The following ANKH variants were observed in gnomAD, a reference collection of about 807,000 sequenced individuals.
ANKH encodes the protein ANKH inorganic pyrophosphate transport regulator, also known as mineralization regulator ANKH.
A neutral mutation model predicts 49.0 loss-of-function variants in ANKH; 15 were observed. That is an observed-to-expected ratio of 0.31 (90% CI 0.20 to 0.47). The LOEUF (loss-of-function observed/expected upper bound fraction) is 0.47, where lower values mean the gene tolerates loss of function less well. ANKH is among the 20% of genes least tolerant of loss of function. The probability of loss-of-function intolerance (pLI) is 1.00; values close to 1 mark genes in which losing one functional copy is unlikely to be tolerated. For missense variants in ANKH, 429 were observed against 652.0 expected (o/e 0.66, Z 3.72); for synonymous variants, 273 against 260.0 (o/e 1.05, Z -0.48).
At chr5:14,871,231 C>A (rs999827014) in intron 1 of ANKH, 121 bp downstream of exon 1, 3 of 868,214 alleles carry the variant, frequency 3.5e-6, no homozygotes, top group Non-Finnish European at 5.6e-6. Flanking sequence ...AAGCTGCACA[C>A]CCGACCAAAT....
chr5:14,855,806 C>G (rs556614029), intron 1 of ANKH, among the ~76,000 whole-genome samples: 124 of 150,504 alleles, frequency 8.2e-4, no homozygotes, highest in Non-Finnish European at 1.6e-3. Flanking sequence ...GAAAATCCAG[C>G]CTTAAAGGCC....
At position 14,770,328 on chromosome 5, in the gene ANKH, C is replaced by T. The variant is rs915119741; in HGVS notation, c.97-1137G>A. Among the ~76,000 whole-genome samples, 1 of 152,096 alleles carries T rather than the reference C, an allele frequency of 6.6e-6. No homozygotes were observed. Among genetic ancestry groups the T allele is most frequent in the Non-Finnish European group, 1.5e-5 (1 of 68,026 alleles). ...CGGACACATCATTATTACTCAAAGA[C>T]CAGACAGTAGTCCCCCCTTATCCTT... On this transcript the variant is annotated intron_variant, in intron 1 of 11. Transcript: ENST00000284268. This position sits in a 1 kb window ranked among gnomAD's most constrained non-coding sequence, Gnocchi z 4.1.
At position 14,709,471 on chromosome 5, in the gene ANKH, C is replaced by T. The variant is rs927374192; in HGVS notation, c.*1726G>A. 2 of 152,194 alleles carry T rather than the reference C, an allele frequency of 1.3e-5. No individual in the cohort carries two copies. Among genetic ancestry groups the T allele is most frequent in the African/African-American group, 4.8e-5 (2 of 41,444 alleles). The allele number at this position is 152,194 out of a possible 1,614,324, so 9.4% of individuals were successfully genotyped here. A position where few individuals can be genotyped will look rare whatever the true frequency, so the allele number is the denominator to read the frequency against. ...GGGCACACCCCATCAGCACTGGGTA[C>T]CCAGGAATGTGAATGCAACCCTGGC... On this transcript the variant is annotated 3_prime_UTR_variant, in exon 12 of 12. Coordinates refer to ENST00000284268, the MANE Select transcript of ANKH (RefSeq NM_054027.6).
At chr5:14,857,460 A>G (rs1232051240) in intron 1 of ANKH, among the ~76,000 whole-genome samples, 2 of 151,980 alleles carry the variant, frequency 1.3e-5, no homozygotes, top group Non-Finnish European at 2.9e-5. Flanking sequence ...TTCAAGACCA[A>G]CCTGGCCAGT....
chr5:14,830,449 G>A (rs1403731970), intron 1 of ANKH, among the ~76,000 whole-genome samples: 1 of 152,048 alleles, frequency 6.6e-6, no homozygotes, highest in Admixed American at 6.6e-5. Context: ...AGTGGGGGAA[G>A]GAAGTGGCTG....
intron 1 of ANKH, among the ~76,000 whole-genome samples, chr5:14,790,632 G>GA (rs1384267219): frequency 6.6e-6 from 1 of 152,152 alleles, no homozygotes; most frequent in Non-Finnish European, 1.5e-5. Context: ...ATTCATCCCT[G>GA]AGTCTCACTC....
At chr5:14,860,800 G>A (rs901308362) in intron 1 of ANKH, among the ~76,000 whole-genome samples, 3 of 151,864 alleles carry the variant, frequency 2.0e-5, no homozygotes, top group Non-Finnish European at 2.9e-5. Flanking sequence ...TTGCTGTGAC[G>A]CCCAGGCTGG....
Position 14,793,023 on chromosome 5 carries a change from T to TATATATATAAAAATATATATATAA in ANKH, c.97-23833_97-23832insTTATATATATATTTTTATATATAT, listed in dbSNP as rs1385758620. Among the ~76,000 whole-genome samples, 503 of 66,358 alleles carry TATATATATAAAAATATATATATAA rather than the reference T, an allele frequency of 7.6e-3. 10 individuals are homozygous for TATATATATAAAAATATATATATAA. Among genetic ancestry groups the TATATATATAAAAATATATATATAA allele is most frequent in the Non-Finnish European group, 0.012 (415 of 34,962 alleles). 43.5% of individuals were successfully genotyped at this position (66,358 alleles called of 152,430 possible). A position where few individuals can be genotyped will look rare whatever the true frequency, so the allele number is the denominator to read the frequency against. ...ATATATATAAATATATATATATAAA[T>TATATATATAAAAATATATATATAA]ATATATATATAAAAATATATATATA... On this transcript the variant is annotated intron_variant, in intron 1 of 11. Coordinates refer to ENST00000284268, the MANE Select transcript of ANKH (RefSeq NM_054027.6).
chr5:14,862,955 C>A (rs1735541893), intron 1 of ANKH, among the ~76,000 whole-genome samples: 1 of 152,176 alleles, frequency 6.6e-6, no homozygotes, highest in Admixed American at 6.5e-5. Context: ...CTTCATTTTT[C>A]CTGGCATTCT....
intron 1 of ANKH, among the ~76,000 whole-genome samples, chr5:14,863,821 A>G (rs1434527650): frequency 1.3e-5 from 2 of 152,134 alleles, no homozygotes; most frequent in Admixed American, 6.5e-5. Context: ...CATTGTCCCA[A>G]ACCAAATATG....
chr5:14,720,824 C>T (rs527993902), intron 8 of ANKH, among the ~76,000 whole-genome samples: 98 of 152,334 alleles, frequency 6.4e-4, no homozygotes, highest in African/African-American at 2.4e-3. Context: ...TGTTGCAATT[C>T]TCTAGGCTTT....
intron 1 of ANKH, among the ~76,000 whole-genome samples, chr5:14,791,687 G>C (rs1380118305): frequency 6.6e-6 from 1 of 152,166 alleles, no homozygotes; most frequent in African/African-American, 2.4e-5. Flanking sequence ...AAAGCACCCA[G>C]TGTGTGCAAA....
At chr5:14,797,043 G>A in intron 1 of ANKH, 2 of 1,235,672 alleles carry the variant, frequency 1.6e-6, no homozygotes, top group Non-Finnish European at 1.1e-6. Context: ...AATAAAATCT[G>A]TCTCAGAACC....
intron 1 of ANKH, among the ~76,000 whole-genome samples, chr5:14,848,882 C>T (rs1164642995): frequency 1.3e-5 from 2 of 152,182 alleles, no homozygotes; most frequent in South Asian, 2.1e-4. Context: ...AAAGACCCAC[C>T]GGTAACAGCA....
intron 1 of ANKH, among the ~76,000 whole-genome samples, chr5:14,819,900 TACACACACACACACACAC>T (rs57977744): frequency 4.8e-5 from 7 of 145,520 alleles, no homozygotes; most frequent in East Asian, 2.0e-4. Flanking sequence ...AACAAAAATA[TACACACACACACACACAC>T]ACACACACAC....
intron 1 of ANKH, among the ~76,000 whole-genome samples, chr5:14,781,260 G>A (rs990715125): frequency 2.0e-5 from 3 of 152,140 alleles, no homozygotes; most frequent in South Asian, 2.1e-4. Context: ...AGAACTTCAC[G>A]CCCACACATG....
At position 14,745,875 on chromosome 5, in the gene ANKH, C is replaced by T. The variant is rs1361794643; in HGVS notation, c.910G>A (p.Asp304Asn). 1.1e-5 allele frequency: 17 copies of T among 1,613,998 alleles called. No homozygotes were observed. The highest frequency in any genetic ancestry group is 4.5e-5 in the East Asian group (2 of 44,892). Residue 304 changes from aspartate (D) to asparagine (N), a missense_variant, in exon 7 of 12, where the codon GAC (aspartate) becomes AAC (asparagine). Physicochemically the swap from Asp to Asn is conservative, Grantham distance 23. Around this residue, in one of 2 missense-constraint regions of ANKH, gnomAD observed 378 missense variants for 615.3 expected, o/e 0.61. Coordinates refer to ENST00000284268, the MANE Select transcript of ANKH (RefSeq NM_054027.6). The surrounding 1 kb of genome is among the most constrained non-coding windows in gnomAD (Gnocchi z 4.7). The part of the protein sequence containing the change: ...TEIRAVYPAF[D>N]KNNPSNKLVS... ...GACACCGCACGGGTTCTCACCTTGT[C>T]GAAAGCAGGATACACAGCACGGATT... is the stretch of plus-strand genomic sequence containing the variant.
chr5:14,798,823 A>T (rs578170532), intron 1 of ANKH, among the ~76,000 whole-genome samples: 4 of 152,238 alleles, frequency 2.6e-5, no homozygotes, highest in Admixed American at 2.0e-4. Flanking sequence ...GTTACCTGAA[A>T]CAAAACAATA....
chr5:14,774,318 C>T (rs1739543117), intron 1 of ANKH, among the ~76,000 whole-genome samples: 2 of 152,206 alleles, frequency 1.3e-5, no homozygotes, highest in African/African-American at 2.4e-5. Flanking sequence ...CTTCCTGAAA[C>T]TTATGAAGTG....
Sources: gnomAD v4.1 joint callset for allele counts (sites outside exome capture counted in the v4.1 genomes callset) on GRCh38, gnomAD v4.1.1 for gene constraint, gnomAD v4.1.1 regional missense constraint, Gnocchi (gnomAD v3.1) non-coding constraint, MANE v1.5 for transcripts, NCBI Gene and HGNC (gene_info 2026-07-23, HGNC 2026-07-21) for gene names.